C12orf42: variants seen among roughly 807,000 people sequenced by gnomAD.
C12orf42 encodes chromosome 12 open reading frame 42.
In C12orf42, 25 loss-of-function variants were observed where a neutral mutation model predicts 21.6. The ratio of observed to expected loss-of-function variants is 1.16; its 90% CI spans 0.84 to 1.62. C12orf42 has a LOEUF of 1.62. Among genes scored for constraint, C12orf42 ranks in the 40% most tolerant of loss-of-function variants. The pLI, the probability that C12orf42 is intolerant of heterozygous loss-of-function variation, is 0.00. For synonymous variants in C12orf42, 174 were observed against 175.0 expected (o/e 0.99, Z 0.05); for missense variants, 483 against 459.3 (o/e 1.05, Z -0.47).
the C12orf42 span, among the ~76,000 whole-genome samples, chr12:103,186,028 T>C: frequency 1.3e-5 from 2 of 152,188 alleles, no homozygotes; most frequent in Non-Finnish European, 2.9e-5. Flanking sequence ...AGAAACTAAG[T>C]TGGTCCAGAG....
chr12:103,164,725 A>G, the C12orf42 span: 4 of 455,512 alleles, frequency 8.8e-6, no homozygotes, highest in East Asian at 2.8e-4. Context: ...ACCATGATGA[A>G]TACTCCTTTA....
chr12:103,422,081 T>C (rs1053827562), intron 2 of C12orf42, among the ~76,000 whole-genome samples: 2 of 152,204 alleles, frequency 1.3e-5, no homozygotes, highest in Non-Finnish European at 2.9e-5. Flanking sequence ...AAAAAAGAGA[T>C]GTTGCTCAGA....
chr12:103,253,458 C>T (rs1055116657), intron 10 of C12orf42, among the ~76,000 whole-genome samples: 3 of 151,820 alleles, frequency 2.0e-5, no homozygotes, highest in African/African-American at 4.8e-5. Context: ...TTTTTCCATC[C>T]GTTTATTTCC....
At chr12:103,560,553 C>A in the C12orf42 span, among the ~76,000 whole-genome samples, 3 of 152,208 alleles carry the variant, frequency 2.0e-5, no homozygotes, top group South Asian at 2.1e-4. Flanking sequence ...GTATAAGTTT[C>A]TGTGTACATT....
intron 4 of C12orf42, among the ~76,000 whole-genome samples, chr12:103,315,979 T>C (rs77194575): frequency 0.02 from 3,060 of 150,094 alleles, 97 homozygotes; most frequent in African/African-American, 0.07. Context: ...TATAGATATA[T>C]ATATATATAC....
chr12:103,509,458 C>CA, the C12orf42 span, among the ~76,000 whole-genome samples: 6 of 151,926 alleles, frequency 3.9e-5, 1 homozygote, highest in Admixed American at 2.6e-4. Flanking sequence ...AAACAACATC[C>CA]AAAAAAAGCT....
chr12:103,542,176 G>A, the C12orf42 span, among the ~76,000 whole-genome samples: 72 of 152,216 alleles, frequency 4.7e-4, no homozygotes, highest in Admixed American at 4.6e-3. Flanking sequence ...TTCTTGGGAT[G>A]TTGAAAGAAT....
At position 103,315,987 on chromosome 12, in the gene C12orf42, T is replaced by TATAC. The variant is rs1555254186; in HGVS notation, c.260-9643_260-9642insGTAT. ...TTCACACTATAGATATATATATATA[T>TATAC]ACACACACACAGACAAAATGCTTTT... On this transcript the variant is annotated intron_variant, in intron 4 of 5. Transcript: ENST00000548883. Among the ~76,000 whole-genome samples, 756 of 150,820 alleles carry TATAC rather than the reference T, an allele frequency of 5.0e-3. 7 individuals carry two copies. Among genetic ancestry groups the TATAC allele is most frequent in the African/African-American group, 0.018 (727 of 41,090 alleles).
chr12:103,310,149 G>A (rs953286186), intron 4 of C12orf42, among the ~76,000 whole-genome samples: 1 of 152,184 alleles, frequency 6.6e-6, no homozygotes, highest in Non-Finnish European at 1.5e-5. Flanking sequence ...GATTTCTTAC[G>A]AATGGTTTAG....
chr12:103,202,618 T>C, the C12orf42 span, among the ~76,000 whole-genome samples: 1 of 152,210 alleles, frequency 6.6e-6, no homozygotes, highest in South Asian at 2.1e-4. Context: ...TGCTTTTCTG[T>C]GCCGTAAGTC....
chr12:103,083,102 C>G, the C12orf42 span, among the ~76,000 whole-genome samples: 2 of 152,114 alleles, frequency 1.3e-5, no homozygotes, highest in Non-Finnish European at 2.9e-5. Context: ...CGGTGGCTGA[C>G]GCCTGTAATT....
At chr12:103,443,941 C>T (rs78041030) in intron 2 of C12orf42, among the ~76,000 whole-genome samples, 1,529 of 152,156 alleles carry the variant, frequency 0.01, 19 homozygotes, top group African/African-American at 0.033. Context: ...TCATGTTGCA[C>T]ATTTTTTTAA....
the C12orf42 span, among the ~76,000 whole-genome samples, chr12:103,157,821 C>A: frequency 6.6e-6 from 1 of 152,048 alleles, no homozygotes; most frequent in Non-Finnish European, 1.5e-5. Context: ...AAATATTACA[C>A]TCCAATAAAA....
chr12:103,194,973 T>A, the C12orf42 span, among the ~76,000 whole-genome samples: 1 of 152,170 alleles, frequency 6.6e-6, no homozygotes, highest in African/African-American at 2.4e-5. Context: ...AAGTAATCCC[T>A]AGTGTCTATT....
chr12:103,415,074 T>C (rs987826435), intron 2 of C12orf42, among the ~76,000 whole-genome samples: 1 of 151,402 alleles, frequency 6.6e-6, no homozygotes, highest in Non-Finnish European at 1.5e-5. Flanking sequence ...TAGAGAAAGA[T>C]CTACCATGAA....
intron 3 of C12orf42, among the ~76,000 whole-genome samples, chr12:103,391,744 T>C (rs1310856916): frequency 1.3e-5 from 2 of 151,692 alleles, no homozygotes; most frequent in African/African-American, 4.8e-5. Flanking sequence ...TATATATGAT[T>C]GATTTACAAC....
chr12:103,302,837 A>G (rs1373778421), intron 5 of C12orf42, among the ~76,000 whole-genome samples: 2 of 152,180 alleles, frequency 1.3e-5, no homozygotes, highest in Non-Finnish European at 2.9e-5. Flanking sequence ...AAAACTTTCT[A>G]TTTCAAGGAA....
chr12:103,064,188 G>T, the C12orf42 span, among the ~76,000 whole-genome samples: 1 of 152,146 alleles, frequency 6.6e-6, no homozygotes, highest in Admixed American at 6.5e-5. Flanking sequence ...GATTTGTGAG[G>T]GCAGCACCTG....
chr12:103,499,626 G>T (rs1288030223), upstream of C12orf42, among the ~76,000 whole-genome samples: 4 of 152,208 alleles, frequency 2.6e-5, no homozygotes, highest in Non-Finnish European at 5.9e-5. Context: ...GTTTTCAACA[G>T]CAGCACACTT....
Sources: gnomAD v4.1 joint callset for allele counts (sites outside exome capture counted in the v4.1 genomes callset) on GRCh38, gnomAD v4.1.1 for gene constraint, MANE v1.5 for transcripts, NCBI Gene and HGNC (gene_info 2026-07-23, HGNC 2026-07-21) for gene names.